Variants in ANKS1B observed in about 807,000 individuals in gnomAD.
ANKS1B encodes ankyrin repeat and sterile alpha motif domain containing 1B, also known as ankyrin repeat and sterile alpha motif domain-containing protein 1B.
ANKS1B carries 36 observed loss-of-function variants against 148.3 expected under a neutral mutation model. That is an observed-to-expected ratio of 0.24 (90% confidence interval 0.19 to 0.32). The LOEUF is 0.32. ANKS1B is among the 10% of genes least tolerant of loss of function. The pLI, the probability that ANKS1B is intolerant of heterozygous loss-of-function variation, is 1.00. For synonymous variants in ANKS1B, 542 were observed against 560.8 expected (o/e 0.97, Z 0.47); for missense variants, 1,157 against 1,542.6 (o/e 0.75, Z 4.19).
At chr12:99,313,854 G>A (rs1031279391) in intron 12 of ANKS1B, among the ~76,000 whole-genome samples, 1 of 152,108 alleles carries the variant, frequency 6.6e-6, no homozygotes, top group African/African-American at 2.4e-5. Flanking sequence ...TCGAAAACTG[G>A]TACAAGACAA....
chr12:98,971,996 C>T (rs545752652), intron 17 of ANKS1B, among the ~76,000 whole-genome samples: 11 of 152,150 alleles, frequency 7.2e-5, no homozygotes, highest in Admixed American at 2.0e-4. Context: ...GGTCAAACCC[C>T]GTCTCTACTA....
chr12:99,539,810 C>G (rs1482615001), intron 9 of ANKS1B, among the ~76,000 whole-genome samples: 1 of 152,034 alleles, frequency 6.6e-6, no homozygotes, highest in African/African-American at 2.4e-5. Flanking sequence ...CTCAAGGGAT[C>G]CTTCTGCCTC....
intron 9 of ANKS1B, among the ~76,000 whole-genome samples, chr12:99,577,348 C>A (rs1236755716): frequency 6.8e-6 from 1 of 148,114 alleles, no homozygotes; most frequent in South Asian, 2.2e-4. Context: ...CAAACCAACC[C>A]CGATGCTAGC....
intron 10 of ANKS1B, among the ~76,000 whole-genome samples, chr12:99,470,935 C>T (rs1053964939): frequency 6.6e-6 from 1 of 152,034 alleles, no homozygotes; most frequent in African/African-American, 2.4e-5. Flanking sequence ...GAAATGCTAT[C>T]ATGTTCTTCA....
intron 16 of ANKS1B, 101 bp from the exon 17 acceptor site, chr12:99,053,410 A>G: frequency 1.1e-6 from 1 of 897,540 alleles, no homozygotes; most frequent in Non-Finnish European, 1.5e-6. Flanking sequence ...TGAAGAACAG[A>G]TCTTTCTGGA....
intron 9 of ANKS1B, among the ~76,000 whole-genome samples, chr12:99,533,777 G>A (rs377705405): frequency 2.6e-5 from 4 of 152,058 alleles, no homozygotes; most frequent in East Asian, 1.9e-4. Context: ...GTGTGTGCAC[G>A]CTTCTATTTT....
intron 9 of ANKS1B, among the ~76,000 whole-genome samples, chr12:99,551,001 G>A (rs2097212556): frequency 6.6e-6 from 1 of 152,134 alleles, no homozygotes; most frequent in East Asian, 1.9e-4. Context: ...CTAAGGATGT[G>A]TTTTGGTAAA....
At chr12:99,460,020 C>T (rs1408331260) in intron 10 of ANKS1B, among the ~76,000 whole-genome samples, 1 of 152,080 alleles carries the variant, frequency 6.6e-6, no homozygotes, top group Non-Finnish European at 1.5e-5. Context: ...TATAAGGCCA[C>T]AGTTGCCAAA....
chr12:99,322,390 G>C (rs1355448528), intron 12 of ANKS1B, among the ~76,000 whole-genome samples: 3 of 150,624 alleles, frequency 2.0e-5, no homozygotes, highest in Non-Finnish European at 3.0e-5. Context: ...TTAGAAGATG[G>C]GTCAATAGGT....
intron 11 of ANKS1B, among the ~76,000 whole-genome samples, chr12:99,423,933 C>T (rs552944681): frequency 2.6e-5 from 4 of 152,162 alleles, no homozygotes; most frequent in African/African-American, 7.2e-5. Flanking sequence ...AACCCCCCCA[C>T]CCCGACACAA....
At chr12:99,066,460 G>T (rs2153575234) in intron 16 of ANKS1B, among the ~76,000 whole-genome samples, 1 of 152,346 alleles carries the variant, frequency 6.6e-6, no homozygotes, top group African/African-American at 2.4e-5. Flanking sequence ...GGAGACCAAT[G>T]GGGTTGGAGC....
At chr12:99,243,451 T>C (rs1054351569) in intron 14 of ANKS1B, among the ~76,000 whole-genome samples, 4 of 152,220 alleles carry the variant, frequency 2.6e-5, no homozygotes, top group African/African-American at 9.6e-5. Context: ...AGTTCAACCA[T>C]TGTGGAAGAC....
chr12:99,258,270 T>C (rs2075515581), intron 12 of ANKS1B, among the ~76,000 whole-genome samples: 1 of 152,116 alleles, frequency 6.6e-6, no homozygotes, highest in African/African-American at 2.4e-5. Flanking sequence ...GAGAATTGTA[T>C]AAACGAAGAA....
intron 14 of ANKS1B, among the ~76,000 whole-genome samples, chr12:99,194,171 T>G (rs1907672): frequency 6.6e-6 from 1 of 151,936 alleles, no homozygotes; most frequent in Admixed American, 6.6e-5. Context: ...CATTTATTCA[T>G]GGGAATTTTT....
intron 9 of ANKS1B, among the ~76,000 whole-genome samples, chr12:99,634,020 A>G (rs748810107): frequency 1.1e-4 from 17 of 152,286 alleles, no homozygotes; most frequent in South Asian, 4.1e-4. Context: ...ATTTGGGGCT[A>G]TGATGTGGAA....
chr12:98,958,220 T>C (rs577230191), intron 17 of ANKS1B, among the ~76,000 whole-genome samples: 3 of 152,240 alleles, frequency 2.0e-5, no homozygotes, highest in Non-Finnish European at 4.4e-5. Flanking sequence ...TACATTCAGA[T>C]GATTTTAGAA....
rs762102639 is a variant in ANKS1B at position 99,443,830 on chromosome 12, G to T, written c.1439-21C>A. ...ATTATCTGTGAATAAAAATAGAACT[G>T]CCATGAACCTAATCACTCAGTTTAC... On this transcript the variant is annotated intron_variant, in intron 10 of 26. Coordinates refer to ENST00000683438, the MANE Select transcript of ANKS1B (RefSeq NM_001352186.2). 3.8e-6 allele frequency: 6 copies of T among 1,596,634 alleles called. No homozygotes were observed. The African/African-American group carries it at 4.0e-5, about 11-fold the overall frequency.
intron 9 of ANKS1B, among the ~76,000 whole-genome samples, chr12:99,618,287 T>C (rs990960452): frequency 2.0e-5 from 3 of 152,222 alleles, no homozygotes; most frequent in Non-Finnish European, 2.9e-5. Flanking sequence ...AAAGAAATTA[T>C]AGATGACATA....
intron 9 of ANKS1B, among the ~76,000 whole-genome samples, chr12:99,545,397 C>T (rs1450394988): frequency 6.6e-6 from 1 of 152,042 alleles, no homozygotes. Flanking sequence ...TATAAACAAA[C>T]TAAAAGGCGA....
Sources: allele counts gnomAD v4.1 joint callset (sites outside exome capture counted in the v4.1 genomes callset), GRCh38; gene constraint gnomAD v4.1.1; transcripts MANE v1.5; gene names NCBI Gene and HGNC (gene_info 2026-07-23, HGNC 2026-07-21).